Variants in FUBP1 observed in about 807,000 individuals in gnomAD.
FUBP1 encodes far upstream element-binding protein 1.
A neutral mutation model predicts 94.9 loss-of-function variants in FUBP1; 16 were observed. That is an observed-to-expected ratio of 0.17 (90% confidence interval 0.11 to 0.26). FUBP1 has a LOEUF of 0.26. Among genes scored for constraint, FUBP1 ranks in the 10% least tolerant of loss-of-function variants. The pLI, the probability that FUBP1 is intolerant of heterozygous loss-of-function variation, is 1.00. For missense variants in FUBP1, 583 were observed against 808.6 expected (o/e 0.72, Z 3.38); for synonymous variants, 279 against 254.9 (o/e 1.09, Z -0.90).
In FUBP1 at chr1:77,949,245, A is replaced by C; in HGVS notation, c.1836T>G (p.Ser612Arg). ...GAPPGGQPDYSAAWAEYYRQQ... is the reference protein window; with the variant it reads ...GAPPGGQPDYRAAWAEYYRQQ... ...GTCTATAATACTCAGCCCAGGCTGC[A>C]CTATAATCTGGCTGACCACCTGGAG... is the stretch of plus-strand genomic sequence containing the variant. The change falls in exon 19 of 20, where the codon AGT (serine) becomes AGG (arginine). Residue 612 changes from serine to arginine, a missense_variant. Physicochemically the swap from Ser to Arg is moderately radical, Grantham distance 110. Coordinates refer to ENST00000370768, the MANE Select transcript of FUBP1 (RefSeq NM_003902.5). 1 of 1,613,460 alleles carries C rather than the reference A, an allele frequency of 6.2e-7. No homozygotes were observed. The highest frequency in any genetic ancestry group is 1.7e-4 in the Middle Eastern group (1 of 6,052).
chr1:77,976,253 T>C (rs1309775247), intron 1 of FUBP1, among the ~76,000 whole-genome samples: 3 of 152,236 alleles, frequency 2.0e-5, no homozygotes, highest in Non-Finnish European at 2.9e-5. Flanking sequence ...ATTCCACTTA[T>C]ATCATCAGAG....
rs112997035 is a variant in FUBP1, at chr1:77,964,146, G to C, written c.957C>G (p.Pro319=). The part of the protein sequence containing the change: ...IQFKPDDGTT[P]ERIAQITGPP... ...GTCCTGTTATTTGTGCTATCCTTTCGGGTGTTGTCCCATCATCTTCAAAAC... is the reference window on the plus strand; with the variant it reads ...GTCCTGTTATTTGTGCTATCCTTTCCGGTGTTGTCCCATCATCTTCAAAAC... The change falls in exon 12 of 20, where the codon CCC becomes CCG. Residue 319 remains proline (P), a synonymous_variant. Transcript: ENST00000370768. 1 of 1,606,096 alleles carries C rather than the reference G, an allele frequency of 6.2e-7. No individual in the cohort carries two copies. Among genetic ancestry groups the C allele is most frequent in the African/African-American group, 1.3e-5 (1 of 74,816 alleles).
At chr1:77,948,986 A>G (rs1652787705) in intron 19 of FUBP1, 169 bp downstream of exon 19, 1 of 900,352 alleles carries the variant, frequency 1.1e-6, no homozygotes, top group Non-Finnish European at 1.8e-6. Flanking sequence ...GCTGGAAAGC[A>G]TTATAAAAAA....
At chr1:77,951,260 T>A (rs74942344) in intron 18 of FUBP1, among the ~76,000 whole-genome samples, 1 of 152,222 alleles carries the variant, frequency 6.6e-6, no homozygotes, top group Non-Finnish European at 1.5e-5. Context: ...AGAAAATTCA[T>A]TGATGTTCCC....
At chr1:77,952,697 G>GT (rs1216938539) in intron 18 of FUBP1, among the ~76,000 whole-genome samples, 1 of 152,150 alleles carries the variant, frequency 6.6e-6, no homozygotes, top group African/African-American at 2.4e-5. Context: ...CTGATGACAG[G>GT]TAAGGTACCT....
At chr1:77,965,043 T>C (rs748956010) in intron 8 of FUBP1, 26 bp downstream of exon 8, 46 of 1,603,676 alleles carry the variant, frequency 2.9e-5, no homozygotes, top group Non-Finnish European at 3.8e-5. Context: ...AGATCAAAAG[T>C]AGCCATTTCA....
In FUBP1 at chr1:77,964,243, T is replaced by G. The variant is rs1445314240; in HGVS notation, c.940+11A>C. 6.4e-7 allele frequency: 1 copy of G among 1,571,272 alleles called. No individual in the cohort carries two copies. The highest frequency in any genetic ancestry group is 1.1e-5 in the South Asian group (1 of 90,244). On this transcript the variant is annotated intron_variant, in intron 11 of 19. Transcript: ENST00000370768. ...GCTGCCAACACTTACAAGATTATTA[T>G]ATGTACTCACCTGGCTTAAACTGAA...
chr1:77,973,596 C>T (rs561697794), intron 1 of FUBP1, among the ~76,000 whole-genome samples: 52 of 151,894 alleles, frequency 3.4e-4, no homozygotes, highest in African/African-American at 1.2e-3. Context: ...TCCATCTGGA[C>T]CATTATCTAC....
chr1:77,960,457 C>A lies in FUBP1; in HGVS notation c.1383G>T (p.Gly461=). Residue 461 remains glycine, a synonymous_variant, in exon 15 of 20, where the codon GGG becomes GGT. Coordinates refer to ENST00000370768, the MANE Select transcript of FUBP1 (RefSeq NM_003902.5). ...CATGGGGGCCTGGGACACCATGGGG[C>A]CCATGGGGTACAGGTGGCCCTAAAG... ...VNPLGPPVPH[G]PHGVPGPHGP... is the part of the protein sequence containing the mutation. 1 of 1,595,314 alleles carries A rather than the reference C, an allele frequency of 6.3e-7. No individual in the cohort carries two copies.
upstream of FUBP1, chr1:77,979,176 C>T (rs1445842183): frequency 2.9e-5 from 19 of 652,488 alleles, no homozygotes; most frequent in South Asian, 2.2e-4. Context: ...CGAGGCAACG[C>T]GCTGGTGTGG....
intron 2 of FUBP1, chr1:77,968,913 T>G (rs1486822475): frequency 2.5e-6 from 1 of 396,518 alleles, no homozygotes; most frequent in Non-Finnish European, 5.1e-6. Flanking sequence ...GCAGCAAAAA[T>G]AAAATATGCG....
chr1:77,971,902 G>A (rs1335018491), intron 1 of FUBP1, among the ~76,000 whole-genome samples: 4 of 151,534 alleles, frequency 2.6e-5, no homozygotes, highest in Non-Finnish European at 4.4e-5. Flanking sequence ...CTACTCGGGA[G>A]GCTCAGGTGG....
chr1:77,963,843 T>C (rs1429635635), intron 12 of FUBP1, 128 bp from the exon 13 acceptor site: 3 of 754,752 alleles, frequency 4.0e-6, no homozygotes, highest in Non-Finnish European at 6.4e-6. Context: ...GAACTGGCCC[T>C]AATAAGTAAT....
At chr1:77,962,655 CTA>C (rs1655717901) in intron 14 of FUBP1, 113 bp downstream of exon 14, 1 of 583,146 alleles carries the variant, frequency 1.7e-6, no homozygotes, top group Non-Finnish European at 3.0e-6. Context: ...ATCATGAAAT[CTA>C]TAAATGCTGA....
intron 14 of FUBP1, among the ~76,000 whole-genome samples, chr1:77,960,974 T>C (rs1655362859): frequency 6.6e-6 from 1 of 152,196 alleles, no homozygotes; most frequent in African/African-American, 2.4e-5. Flanking sequence ...CGTTAATAGC[T>C]AGTTGTTTCA....
At chr1:77,950,420 A>G (rs1255044524) in intron 18 of FUBP1, among the ~76,000 whole-genome samples, 2 of 152,134 alleles carry the variant, frequency 1.3e-5, no homozygotes, top group African/African-American at 4.8e-5. Context: ...TTGGCCTCCC[A>G]AAGTCCTGGG....
At position 77,947,696 on chromosome 1, in the gene FUBP1, A is replaced by G; in HGVS notation, c.*1070T>C. The stretch of plus-strand genomic sequence containing the variant: ...CAGCATGAGTGTTAAAGAGTAATAA[A>G]ATGACTTCAAGTACATAAAAAAATT... On this transcript the variant is annotated 3_prime_UTR_variant, in exon 20 of 20. Coordinates refer to ENST00000370768, the MANE Select transcript of FUBP1 (RefSeq NM_003902.5). 1.7e-6 allele frequency: 1 copy of G among 585,408 alleles called. No individual in the cohort carries two copies. Among genetic ancestry groups the G allele is most frequent in the Non-Finnish European group, 2.9e-6 (1 of 346,348 alleles). 36.3% of individuals were successfully genotyped at this position (585,408 alleles called of 1,614,324 possible).
intron 7 of FUBP1, among the ~76,000 whole-genome samples, chr1:77,966,446 G>A (rs900932230): frequency 2.0e-5 from 3 of 152,156 alleles, no homozygotes; most frequent in Non-Finnish European, 4.4e-5. Flanking sequence ...CAGGCTACAC[G>A]TGGCTTTACA....
Position 77,949,300 on chromosome 1 carries a change from C to T in FUBP1, c.1781G>A (p.Gly594Asp). 3.7e-6 allele frequency: 6 copies of T among 1,610,932 alleles called. No homozygotes were observed. Among genetic ancestry groups the T allele is most frequent in the Non-Finnish European group, 5.1e-6 (6 of 1,178,666 alleles). Residue 594 changes from glycine (G) to aspartate (D), a missense_variant and splice_region_variant, in exon 19 of 20, where the codon GGT becomes GAT. Physicochemically the swap from Gly to Asp is moderately conservative, Grantham distance 94 (BLOSUM62 -1). Transcript: ENST00000370768. ...KAWEEYYKKM[G>D]QAVPAPTGAP... ...CCCAGTCGGAGCAGGAACTGCCTGA[C>T]CTTTGAAAAAAAAGAACTTTGTTGC...
Sources: gnomAD v4.1 joint callset for allele counts (sites outside exome capture counted in the v4.1 genomes callset) on GRCh38, gnomAD v4.1.1 for gene constraint, MANE v1.5 for transcripts, NCBI Gene and HGNC (gene_info 2026-07-23, HGNC 2026-07-21) for gene names.